BTAF1: variants seen among roughly 807,000 people sequenced by gnomAD.
BTAF1 encodes B-TFIID TATA-box binding protein associated factor 1, also known as TATA-binding protein-associated factor 172.
BTAF1 carries 38 observed loss-of-function variants against 227.1 expected under a neutral mutation model. The observed-to-expected ratio is 0.17, with a 90% CI of 0.13 to 0.22. The LOEUF (loss-of-function observed/expected upper bound fraction) is 0.22, where lower values mean the gene tolerates loss of function less well. Ranked by LOEUF, BTAF1 falls within the 10% of genes least tolerant of loss-of-function variation. The probability of loss-of-function intolerance (pLI) is 1.00; values close to 1 mark genes in which losing one functional copy is unlikely to be tolerated. For missense variants in BTAF1, 1,598 were observed against 2,204.0 expected, an observed-to-expected ratio of 0.73 and a Z score of 5.51; for synonymous variants, 742 against 751.9, an observed-to-expected ratio of 0.99 and a Z score of 0.21.
In BTAF1 at chr10:91,964,252, C is replaced by T. The variant is rs183033381; in HGVS notation, c.1529+51C>T. The T allele has an allele frequency of 4.2e-4, 660 of 1,557,278 alleles. 1 individual carries two copies. Among genetic ancestry groups the T allele is most frequent in the Non-Finnish European group, 5.3e-4 (604 of 1,143,758 alleles). On this transcript the variant is annotated intron_variant, in intron 13 of 37. Transcript: ENST00000265990. ...AAGTAAAAAGTCTTTACATACCTTT[C>T]GAGATAATTCAGCCTAAACATAACA...
intron 3 of BTAF1, 125 bp from the exon 4 acceptor site, chr10:91,942,297 T>TG (rs1845065557): frequency 1.6e-5 from 10 of 625,076 alleles, no homozygotes; most frequent in African/African-American, 1.2e-4. Context: ...AAAAAAAAAG[T>TG]TTGTGTGTGT....
intron 1 of BTAF1, among the ~76,000 whole-genome samples, chr10:91,924,792 T>C (rs1222963935): frequency 6.6e-6 from 1 of 152,200 alleles, no homozygotes; most frequent in Non-Finnish European, 1.5e-5. Context: ...AGGAGAAACA[T>C]TACTTTTTCC....
chr10:91,926,301 A>G (rs987249903), intron 1 of BTAF1, among the ~76,000 whole-genome samples: 1 of 152,240 alleles, frequency 6.6e-6, no homozygotes, highest in South Asian at 2.1e-4. Context: ...TTTCATATGC[A>G]TAACTGAAGA....
chr10:91,947,735 CAAAAAAAAA>C (rs34292341), intron 4 of BTAF1, among the ~76,000 whole-genome samples: 19 of 107,350 alleles, frequency 1.8e-4, no homozygotes, highest in African/African-American at 3.9e-4. Flanking sequence ...TCAATGTTTG[CAAAAAAAAA>C]AAAAAAAAAA....
intron 20 of BTAF1, among the ~76,000 whole-genome samples, chr10:91,990,294 G>A (rs555836345): frequency 6.6e-6 from 1 of 152,130 alleles, no homozygotes; most frequent in South Asian, 2.1e-4. Flanking sequence ...GAAGAAAGGT[G>A]GACATTTTGA....
chr10:92,016,402 T>G lies in BTAF1; in HGVS notation c.4647T>G (p.Ser1549=). 1 of 1,601,886 alleles carries G rather than the reference T, an allele frequency of 6.2e-7. No individual in the cohort carries two copies. Among genetic ancestry groups the G allele is most frequent in the Non-Finnish European group, 8.5e-7 (1 of 1,174,940 alleles). ...RAKCDVDETV[S]SATLSEETEK... is the part of the protein sequence containing the mutation. ...AGTGTGATGTTGATGAAACAGTTTC[T>G]TCAGCTACACTTTCTGAAGAAACTG... The change falls in exon 33 of 38, where the codon TCT becomes TCG. Residue 1549 remains serine, a synonymous_variant. Coordinates refer to ENST00000265990, the MANE Select transcript of BTAF1 (RefSeq NM_003972.3).
intron 6 of BTAF1, among the ~76,000 whole-genome samples, chr10:91,955,274 A>G (rs971333995): frequency 1.3e-5 from 2 of 152,196 alleles, no homozygotes; most frequent in South Asian, 2.1e-4. Context: ...TTCAGAGTTC[A>G]TGAGTCATTC....
chr10:91,962,817 A>C (rs1275245993), intron 12 of BTAF1, 139 bp downstream of exon 12: 2 of 634,160 alleles, frequency 3.2e-6, no homozygotes, highest in Non-Finnish European at 5.2e-6. Flanking sequence ...GATGCATGCA[A>C]TCTTGATTAT....
chr10:91,994,036 G>A (rs1208052639), intron 22 of BTAF1, among the ~76,000 whole-genome samples, 189 bp downstream of exon 22: 1 of 152,164 alleles, frequency 6.6e-6, no homozygotes, highest in East Asian at 1.9e-4. Context: ...TATTTGGGTT[G>A]GGCATGGTGG....
At position 92,031,361 on chromosome 10, in the gene BTAF1, G is replaced by A. The variant is rs1441536140; in HGVS notation, c.*2428G>A. 6.6e-6 allele frequency among the ~76,000 whole-genome samples: 1 copy of A among 152,148 alleles called. No homozygotes were observed. Among genetic ancestry groups the A allele is most frequent in the Non-Finnish European group, 1.5e-5 (1 of 68,014 alleles). ...AAAGTCTTTGATGTTGGGACTGATTGAACTGGTATAGCCTTATTCCTTCTG... is the reference window on the plus strand; with the variant it reads ...AAAGTCTTTGATGTTGGGACTGATTAAACTGGTATAGCCTTATTCCTTCTG... On this transcript the variant is annotated 3_prime_UTR_variant, in exon 38 of 38. Transcript: ENST00000265990.
At chr10:92,002,278 G>GA (rs1849601095) in intron 25 of BTAF1, among the ~76,000 whole-genome samples, 1 of 152,196 alleles carries the variant, frequency 6.6e-6, no homozygotes, top group Non-Finnish European at 1.5e-5. Context: ...AGTCTTCATA[G>GA]AAAAAATCAT....
Position 92,011,139 on chromosome 10 carries a change from A to T in BTAF1, c.4170A>T (p.Ile1390=), listed in dbSNP as rs769977542. ...CATATGATGTTGTGAGGAATGACAT[A>T]GATTTCTTTAGGTAAGAATTAATTT... is the stretch of plus-strand genomic sequence containing the variant. ...VASYDVVRND[I]DFFRNIKFNY... is the part of the protein sequence containing the mutation. Residue 1390 remains isoleucine (I), a synonymous_variant, in exon 29 of 38, where the codon ATA becomes ATT. Coordinates refer to ENST00000265990, the MANE Select transcript of BTAF1 (RefSeq NM_003972.3). The T allele has an allele frequency of 1.3e-6, 2 of 1,593,388 alleles. No individual in the cohort carries two copies. Among genetic ancestry groups the T allele is most frequent in the South Asian group, 2.3e-5 (2 of 85,316 alleles).
intron 12 of BTAF1, 115 bp downstream of exon 12, chr10:91,962,793 A>G: frequency 4.7e-6 from 4 of 846,162 alleles, no homozygotes; most frequent in Non-Finnish European, 7.0e-6. Context: ...TTTTTTTTTT[A>G]ACAACAGCCC....
chr10:92,017,678 T>A (rs1589982476), intron 33 of BTAF1, among the ~76,000 whole-genome samples: 1 of 152,170 alleles, frequency 6.6e-6, no homozygotes, highest in East Asian at 1.9e-4. Context: ...CCTGGCTAAT[T>A]TTTAAAAATT....
chr10:91,981,492 C>A (rs1848058358), intron 15 of BTAF1, 151 bp from the exon 16 acceptor site: 2 of 776,082 alleles, frequency 2.6e-6, no homozygotes, highest in Non-Finnish European at 3.7e-6. Context: ...GAAAACAGTA[C>A]TGTATTTCAA....
At chr10:91,974,091 C>T (rs1017815254) in intron 14 of BTAF1, among the ~76,000 whole-genome samples, 3 of 152,236 alleles carry the variant, frequency 2.0e-5, no homozygotes, top group East Asian at 3.9e-4. Flanking sequence ...AGGAAACTCA[C>T]CTGAATTACT....
At position 92,028,820 on chromosome 10, in the gene BTAF1, A is replaced by G. The variant is rs750012295; in HGVS notation, c.5437A>G (p.Thr1813Ala). ...CAAAGCAGAAAAAGCTGACACCTCT[A>G]CTTCTGGGAAAGCAAGTATGAAATC... ...DGKAEKADTS[T>A]SGKASMKSIL... is the part of the protein sequence containing the mutation. Residue 1813 changes from threonine (T) to alanine (A), a missense_variant, in exon 38 of 38, where the codon ACT (threonine) becomes GCT (alanine). Transcript: ENST00000265990. 2.9e-5 allele frequency: 46 copies of G among 1,606,260 alleles called. No individual in the cohort carries two copies. The highest frequency in any genetic ancestry group is 3.7e-5 in the Non-Finnish European group (43 of 1,177,460).
At chr10:92,026,096 G>T (rs1247986901) in intron 35 of BTAF1, among the ~76,000 whole-genome samples, 1 of 152,084 alleles carries the variant, frequency 6.6e-6, no homozygotes, top group East Asian at 1.9e-4. Context: ...ATAATAAATC[G>T]TAGCTTGGTA....
chr10:91,973,903 C>CAAAAAA (rs566022941), intron 14 of BTAF1, among the ~76,000 whole-genome samples: 3 of 93,880 alleles, frequency 3.2e-5, no homozygotes, highest in African/African-American at 9.2e-5. Flanking sequence ...GACTCCGTCT[C>CAAAAAA]AAAAAAAAAA....
Sources: allele counts gnomAD v4.1 joint callset (sites outside exome capture counted in the v4.1 genomes callset), GRCh38; gene constraint gnomAD v4.1.1; transcripts MANE v1.5; gene names NCBI Gene and HGNC (gene_info 2026-07-23, HGNC 2026-07-21).